SIK3: variants seen among roughly 807,000 people sequenced by gnomAD.
SIK3 encodes the protein SIK family kinase 3, also known as serine/threonine-protein kinase SIK3.
In SIK3, 28 loss-of-function variants were observed where a neutral mutation model predicts 144.2. The observed-to-expected ratio is 0.19, with a 90% CI of 0.14 to 0.27. The LOEUF (loss-of-function observed/expected upper bound fraction) is 0.27. Among genes scored for constraint, SIK3 ranks in the 10% least tolerant of loss-of-function variants. The pLI, the probability that SIK3 is intolerant of heterozygous loss-of-function variation, is 1.00. For synonymous variants in SIK3, 686 were observed against 676.3 expected (o/e 1.01, Z -0.22); for missense variants, 1,319 against 1,776.0 (o/e 0.74, Z 4.62).
intron 1 of SIK3, among the ~76,000 whole-genome samples, chr11:117,010,768 T>C (rs1591529722): frequency 2.6e-5 from 4 of 152,206 alleles, no homozygotes; most frequent in Admixed American, 2.6e-4. Flanking sequence ...AAAAAATATA[T>C]GTAAATAACA....
intron 14 of SIK3, among the ~76,000 whole-genome samples, chr11:116,868,558 T>G (rs1943779201): frequency 1.3e-5 from 2 of 152,218 alleles, no homozygotes; most frequent in South Asian, 4.1e-4. Context: ...TTTGAGACTT[T>G]CTTCACTACA....
intron 6 of SIK3, among the ~76,000 whole-genome samples, chr11:116,884,038 T>C (rs1366991293): frequency 1.3e-5 from 2 of 152,152 alleles, no homozygotes; most frequent in Non-Finnish European, 2.9e-5. Flanking sequence ...TAATACAAAA[T>C]ACAGGGATTT....
chr11:117,067,650 A>G (rs1020186315), intron 1 of SIK3, among the ~76,000 whole-genome samples: 1 of 152,210 alleles, frequency 6.6e-6, no homozygotes, highest in African/African-American at 2.4e-5. Context: ...AAATGGTTCA[A>G]TCTTATTGAA....
chr11:116,956,282 G>A (rs904045647), intron 2 of SIK3, among the ~76,000 whole-genome samples: 1 of 151,724 alleles, frequency 6.6e-6, no homozygotes, highest in African/African-American at 2.4e-5. Flanking sequence ...TTGTAGTTAT[G>A]CTAGGGAATC....
chr11:117,005,949 T>G (rs1951031005), intron 1 of SIK3, among the ~76,000 whole-genome samples: 1 of 151,750 alleles, frequency 6.6e-6, no homozygotes, highest in African/African-American at 2.4e-5. Flanking sequence ...GCTGGGAGAA[T>G]GACCAAGAAT....
At chr11:117,032,675 T>TA (rs1491411724) in intron 1 of SIK3, among the ~76,000 whole-genome samples, 17 of 73,800 alleles carry the variant, frequency 2.3e-4, no homozygotes, top group African/African-American at 9.8e-4. Flanking sequence ...CCACCTTTTC[T>TA]TTTTTTTTTT....
chr11:116,966,844 A>C (rs1949565993), intron 1 of SIK3, among the ~76,000 whole-genome samples: 2 of 151,700 alleles, frequency 1.3e-5, no homozygotes, highest in African/African-American at 4.8e-5. Context: ...TACTAAAAAT[A>C]CAAAAAAAAA....
chr11:116,913,817 G>T (rs767598686), intron 4 of SIK3, among the ~76,000 whole-genome samples: 8 of 152,168 alleles, frequency 5.3e-5, no homozygotes, highest in Non-Finnish European at 1.2e-4. Flanking sequence ...TTGAACCCAG[G>T]AGGCAGAGGT....
rs546677386 is a variant in SIK3, at chr11:116,954,187, T to C, written c.391-80A>G. On this transcript the variant is annotated intron_variant, in intron 2 of 24. Coordinates refer to ENST00000445177, the MANE Select transcript of SIK3 (RefSeq NM_001366686.3). The stretch of plus-strand genomic sequence containing the variant: ...GGAAGATAAACTAATGACTCCTCTT[T>C]TCTCATTTGAAATATTAATAACCAC... 14 of 1,109,864 alleles carry C rather than the reference T, an allele frequency of 1.3e-5. No homozygotes were observed. In the South Asian group the frequency reaches 1.9e-4, roughly 15 times the overall value. 68.8% of individuals were successfully genotyped at this position (1,109,864 alleles called of 1,614,324 possible). A position where few individuals can be genotyped will look rare whatever the true frequency, so the allele number is the denominator to read the frequency against.
intron 1 of SIK3, among the ~76,000 whole-genome samples, chr11:116,976,627 T>C (rs145955343): frequency 1.3e-5 from 2 of 152,254 alleles, no homozygotes; most frequent in Non-Finnish European, 2.9e-5. Context: ...GTTCTTGACA[T>C]TCCAGATATT....
intron 21 of SIK3, among the ~76,000 whole-genome samples, chr11:116,850,606 T>C (rs899138659): frequency 2.6e-5 from 4 of 152,264 alleles, no homozygotes; most frequent in African/African-American, 9.6e-5. Context: ...TACTTAATCA[T>C]TCACATTAGA....
chr11:116,897,288 C>T lies in SIK3; in HGVS notation c.646G>A (p.Gly216Arg). Residue 216 changes from glycine (G) to arginine (R), a missense_variant, in exon 5 of 25, where the codon GGG becomes AGG. By Grantham distance (125) the Gly-to-Arg change is moderately radical (BLOSUM62 -2). This residue lies in a region of SIK3 where 125 missense variants were observed against 285.2 expected (regional missense o/e 0.44). Coordinates refer to ENST00000445177, the MANE Select transcript of SIK3 (RefSeq NM_001366686.3). ...CCACACCAGGTCTTCAGCAGCTGCC[C>T]AGGAGTGAAGAGGTTACTGAAACCA... ...DFGFSNLFTP[G>R]QLLKTWCGSP... The T allele has an allele frequency of 6.2e-7, 1 of 1,613,936 alleles. No individual in the cohort carries two copies.
At chr11:117,091,200 CTTTTTTTTTTTT>C (rs386375011) in intron 1 of SIK3, among the ~76,000 whole-genome samples, 4 of 93,008 alleles carry the variant, frequency 4.3e-5, no homozygotes, top group African/African-American at 1.3e-4. Context: ...TTTTTTTTTT[CTTTTTTTTTTTT>C]TTTTTTTTTG....
intron 1 of SIK3, among the ~76,000 whole-genome samples, chr11:117,068,528 C>T (rs772639418): frequency 1.3e-5 from 2 of 152,168 alleles, no homozygotes; most frequent in African/African-American, 2.4e-5. Flanking sequence ...GTAGGAGGGT[C>T]ACTTGAGCCC....
At chr11:117,097,693 A>G (rs1955539964) in intron 1 of SIK3, among the ~76,000 whole-genome samples, 1 of 151,736 alleles carries the variant, frequency 6.6e-6, no homozygotes, top group Admixed American at 6.6e-5. Flanking sequence ...GGGTCCCCTT[A>G]CAAGCCCGGG....
At chr11:116,940,040 G>T (rs1948199714) in intron 3 of SIK3, among the ~76,000 whole-genome samples, 1 of 152,148 alleles carries the variant, frequency 6.6e-6, no homozygotes, top group Non-Finnish European at 1.5e-5. Context: ...CAATGCTGTT[G>T]TATGTAAGAA....
chr11:116,854,919 C>A (rs772798002), intron 21 of SIK3, among the ~76,000 whole-genome samples: 10 of 151,548 alleles, frequency 6.6e-5, no homozygotes, highest in Admixed American at 1.3e-4. Context: ...GGTGAAACCC[C>A]GTCTCTACAA....
intron 1 of SIK3, among the ~76,000 whole-genome samples, chr11:117,059,372 G>C (rs2135948283): frequency 6.6e-6 from 1 of 152,210 alleles, no homozygotes; most frequent in African/African-American, 2.4e-5. Flanking sequence ...TAATTATATG[G>C]AATAAAACAG....
chr11:116,905,836 G>A (rs1316217575), intron 4 of SIK3, among the ~76,000 whole-genome samples: 1 of 152,140 alleles, frequency 6.6e-6, no homozygotes, highest in Non-Finnish European at 1.5e-5. Context: ...AGTTGTGAGT[G>A]TTCTTTATAC....
Sources: gnomAD v4.1 joint callset for allele counts (sites outside exome capture counted in the v4.1 genomes callset) on GRCh38, gnomAD v4.1.1 for gene constraint, gnomAD v4.1.1 regional missense constraint, MANE v1.5 for transcripts, NCBI Gene and HGNC (gene_info 2026-07-23, HGNC 2026-07-21) for gene names.